Variants in HSDL2 observed in about 807,000 individuals in gnomAD.
HSDL2 encodes hydroxysteroid dehydrogenase like 2.
HSDL2 carries 27 observed loss-of-function variants against 46.3 expected under a neutral mutation model. That is an observed-to-expected ratio of 0.58 (90% CI 0.43 to 0.80). The LOEUF is 0.80. Among genes scored for constraint, HSDL2 ranks in the 30% least tolerant of loss-of-function variants. The probability of loss-of-function intolerance (pLI) is 0.00; values close to 1 mark genes in which losing one functional copy is unlikely to be tolerated. For missense variants in HSDL2, 451 were observed against 502.7 expected (o/e 0.90, Z 0.98); for synonymous variants, 153 against 163.6 (o/e 0.94, Z 0.50).
At chr9:112,449,949 T>C (rs1283037913) in intron 8 of HSDL2, among the ~76,000 whole-genome samples, 1 of 152,216 alleles carries the variant, frequency 6.6e-6, no homozygotes, top group African/African-American at 2.4e-5. Context: ...TTCTCCTTTC[T>C]GCTTTCTTTG....
At chr9:112,391,335 T>C (rs1831340145) in intron 1 of HSDL2, among the ~76,000 whole-genome samples, 1 of 151,684 alleles carries the variant, frequency 6.6e-6, no homozygotes, top group Non-Finnish European at 1.5e-5. Flanking sequence ...TAACCAGGCA[T>C]GTTGGCATGC....
chr9:112,448,046 A>G (rs1461688263), intron 8 of HSDL2, among the ~76,000 whole-genome samples: 2 of 152,194 alleles, frequency 1.3e-5, no homozygotes, highest in Non-Finnish European at 2.9e-5. Flanking sequence ...CATTTTGGGC[A>G]TATCACTTCA....
chr9:112,438,438 C>T lies in HSDL2; in HGVS notation c.606C>T (p.His202=). The T allele has an allele frequency of 1.4e-5, 22 of 1,590,950 alleles. No homozygotes were observed. Among genetic ancestry groups the T allele is most frequent in the Non-Finnish European group, 1.9e-5 (22 of 1,169,444 alleles). The change falls in exon 7 of 11, where the codon CAC becomes CAT. Residue 202 remains histidine (H), a synonymous_variant. Coordinates refer to ENST00000398805, the MANE Select transcript of HSDL2 (RefSeq NM_032303.5). ...VNALWPKTAI[H]TAAMDMLGGP... The stretch of plus-strand genomic sequence containing the variant: ...TGTGTGTTTTCTCTACAGCCATACA[C>T]ACTGCTGCTATGGATATGCTGGGAG...
Position 112,441,737 on chromosome 9 carries a change from C to A in HSDL2, c.832C>A (p.Pro278Thr), listed in dbSNP as rs866496629. 2 of 1,612,332 alleles carry A rather than the reference C, an allele frequency of 1.2e-6. No individual in the cohort carries two copies. The highest frequency in any genetic ancestry group is 1.7e-4 in the Middle Eastern group (1 of 6,056). Reference sequence around the variant, plus strand: ...ACCAGATTTCTTCTTAGATGAATACCCAGAAGCAGTTAGCAAGAAAGTGGA... The same window carrying A: ...ACCAGATTTCTTCTTAGATGAATACACAGAAGCAGTTAGCAAGAAAGTGGA... ...LQPDFFLDEYPEAVSKKVEST... is the reference protein window; with the variant it reads ...LQPDFFLDEYTEAVSKKVEST... The change falls in exon 8 of 11, where the codon CCA (proline) becomes ACA (threonine). Residue 278 changes from proline (P) to threonine (T), a missense_variant. Physicochemically the swap from Pro to Thr is conservative, Grantham distance 38 (BLOSUM62 -1). Coordinates refer to ENST00000398805, the MANE Select transcript of HSDL2 (RefSeq NM_032303.5).
At chr9:112,387,008 T>C (rs1480061129) in intron 1 of HSDL2, among the ~76,000 whole-genome samples, 1 of 152,198 alleles carries the variant, frequency 6.6e-6, no homozygotes, top group African/African-American at 2.4e-5. Flanking sequence ...GAGGTCCTTA[T>C]TGGATCCTGA....
rs148302943 is a variant in HSDL2 at position 112,454,235 on chromosome 9, G to A, written c.1015+73G>A. On this transcript the variant is annotated intron_variant, in intron 9 of 10. Transcript: ENST00000398805. ...GTGTTTCCTTTGGAAGAAAATCAGC[G>A]TCCAACAGTGATCCCCTGGATAGTT... 41 of 1,243,630 alleles carry A rather than the reference G, an allele frequency of 3.3e-5. 1 individual carries two copies. Among genetic ancestry groups the A allele is most frequent in the African/African-American group, 1.3e-4 (9 of 66,984 alleles). The allele number at this position is 1,243,630 out of a possible 1,614,324, so 77.0% of individuals were successfully genotyped here. A position where few individuals can be genotyped will look rare whatever the true frequency, so the allele number is the denominator to read the frequency against.
At chr9:112,425,109 G>A (rs117632534) in intron 6 of HSDL2, among the ~76,000 whole-genome samples, 2,766 of 152,002 alleles carry the variant, frequency 0.018, 42 homozygotes, top group Non-Finnish European at 0.027. Context: ...TCAATAATGG[G>A]AATGCTTTTC....
intron 8 of HSDL2, among the ~76,000 whole-genome samples, chr9:112,452,040 C>A (rs1022743967): frequency 6.6e-6 from 1 of 151,998 alleles, no homozygotes; most frequent in Non-Finnish European, 1.5e-5. Context: ...CCAGTGCAGG[C>A]AATAAAGGGG....
At chr9:112,410,939 T>C (rs1011244393) in intron 4 of HSDL2, among the ~76,000 whole-genome samples, 4 of 152,098 alleles carry the variant, frequency 2.6e-5, no homozygotes, top group African/African-American at 9.7e-5. Flanking sequence ...AAAAACTTTA[T>C]TGGTTGCTTA....
intron 6 of HSDL2, among the ~76,000 whole-genome samples, chr9:112,428,593 C>A (rs964620288): frequency 1.3e-5 from 2 of 151,968 alleles, no homozygotes; most frequent in Admixed American, 1.3e-4. Flanking sequence ...CTAGTGGAAT[C>A]GAATAGAAAA....
At chr9:112,441,314 A>T (rs1231175846) in intron 7 of HSDL2, among the ~76,000 whole-genome samples, 1 of 152,160 alleles carries the variant, frequency 6.6e-6, no homozygotes, top group Non-Finnish European at 1.5e-5. Flanking sequence ...TAATGCTGAG[A>T]AGAAAGTCCT....
chr9:112,454,992 C>G (rs1173266770), intron 9 of HSDL2, among the ~76,000 whole-genome samples: 1 of 152,160 alleles, frequency 6.6e-6, no homozygotes, highest in Admixed American at 6.5e-5. Context: ...AGGTGTGAGC[C>G]ATTGTGCCCA....
At chr9:112,436,102 C>A (rs1832518167) in intron 6 of HSDL2, among the ~76,000 whole-genome samples, 1 of 151,072 alleles carries the variant, frequency 6.6e-6, no homozygotes, top group South Asian at 2.1e-4. Flanking sequence ...TAGCAGGACC[C>A]CATTTCTACC....
intron 1 of HSDL2, among the ~76,000 whole-genome samples, chr9:112,389,233 C>G (rs1178268939): frequency 1.3e-5 from 2 of 152,096 alleles, no homozygotes; most frequent in Non-Finnish European, 2.9e-5. Context: ...CTATGTTGCC[C>G]TGGCTGGTTT....
chr9:112,399,378 C>T (rs1430214792), intron 1 of HSDL2, among the ~76,000 whole-genome samples: 2 of 152,180 alleles, frequency 1.3e-5, no homozygotes, highest in Admixed American at 6.6e-5. Context: ...ACAAAGATTA[C>T]AGGGCAAAGG....
intron 9 of HSDL2, among the ~76,000 whole-genome samples, chr9:112,455,222 C>A (rs772735411): frequency 2.8e-4 from 43 of 151,426 alleles, no homozygotes; most frequent in Non-Finnish European, 5.9e-4. Flanking sequence ...CCAGCCTGGG[C>A]AACATAGTGA....
intron 1 of HSDL2, among the ~76,000 whole-genome samples, chr9:112,403,376 A>G (rs535615153): frequency 6.6e-6 from 1 of 152,302 alleles, no homozygotes; most frequent in South Asian, 2.1e-4. Context: ...TCTTAGCAGA[A>G]TGTTTTTGGT....
intron 8 of HSDL2, among the ~76,000 whole-genome samples, chr9:112,448,033 T>C (rs1285904486): frequency 6.6e-6 from 1 of 152,208 alleles, no homozygotes; most frequent in African/African-American, 2.4e-5. Flanking sequence ...CACTTATATT[T>C]ATCATTTTGG....
Position 112,416,952 on chromosome 9 carries a change from G to C in HSDL2, c.499+8G>C. 1 of 1,361,990 alleles carries C rather than the reference G, an allele frequency of 7.3e-7. No homozygotes were observed. Among genetic ancestry groups the C allele is most frequent in the Non-Finnish European group, 1.0e-6 (1 of 953,666 alleles). The allele number at this position is 1,361,990 out of a possible 1,614,324, so 84.4% of individuals were successfully genotyped here. ...GGTTCAAACAGCACTGTGGTAGGTG[G>C]TAGGTGGTAGGGTGAGGGGATGGTT... On this transcript the variant is annotated splice_region_variant and intron_variant, in intron 5 of 10. Coordinates refer to ENST00000398805, the MANE Select transcript of HSDL2 (RefSeq NM_032303.5).
Sources: allele counts gnomAD v4.1 joint callset (sites outside exome capture counted in the v4.1 genomes callset), GRCh38; gene constraint gnomAD v4.1.1; transcripts MANE v1.5; gene names NCBI Gene and HGNC (gene_info 2026-07-23, HGNC 2026-07-21).